CRAMP1: variants seen among roughly 807,000 people sequenced by gnomAD.
CRAMP1 encodes cramped chromatin regulator 1, also known as protein cramped-like.
CRAMP1 carries 50 observed loss-of-function variants against 115.4 expected under a neutral mutation model. That is an observed-to-expected ratio of 0.43 (90% CI 0.35 to 0.55). The LOEUF is 0.55. CRAMP1 is among the 20% of genes least tolerant of loss of function. CRAMP1 has a pLI of 0.01. For synonymous variants in CRAMP1, 866 were observed against 745.4 expected, an observed-to-expected ratio of 1.16 and a Z score of -2.64; for missense variants, 1,679 against 1,721.7, an observed-to-expected ratio of 0.98 and a Z score of 0.44.
chr16:1,629,427 A>T (rs1315925553), intron 3 of CRAMP1, among the ~76,000 whole-genome samples: 1 of 152,170 alleles, frequency 6.6e-6, no homozygotes, highest in Non-Finnish European at 1.5e-5. Context: ...TACCGTGTGT[A>T]TATCTGGTTC....
At chr16:1,623,012 C>T (rs1408637579) in intron 2 of CRAMP1, among the ~76,000 whole-genome samples, 4 of 151,958 alleles carry the variant, frequency 2.6e-5, no homozygotes, top group African/African-American at 4.8e-5. Flanking sequence ...CCGCCTGCCT[C>T]GGCCTCCCAA....
Position 1,653,114 on chromosome 16 carries a change from C to T in CRAMP1, c.995C>T (p.Ala332Val), listed in dbSNP as rs1298207578. ...GAGCTACAGCCGCGGAACAACCACGCCTGGGCCCGTGTGCAGAGCCTTGCC... is the reference window on the plus strand; with the variant it reads ...GAGCTACAGCCGCGGAACAACCACGTCTGGGCCCGTGTGCAGAGCCTTGCC... The part of the protein sequence containing the change: ...PIELQPRNNH[A>V]WARVQSLAQN... The change falls in exon 8 of 21, where the codon GCC becomes GTC. Residue 332 changes from alanine (A) to valine (V), a missense_variant. By Grantham distance (64) the Ala-to-Val change is moderately conservative. This residue lies in a region of CRAMP1 where 191 missense variants were observed against 236.2 expected (regional missense o/e 0.81). Transcript: ENST00000397412. The T allele has an allele frequency of 6.2e-7, 1 of 1,611,764 alleles. No individual in the cohort carries two copies. Among genetic ancestry groups the T allele is most frequent in the Non-Finnish European group, 8.5e-7 (1 of 1,178,920 alleles).
chr16:1,625,674 A>C (rs1434032389), intron 2 of CRAMP1: 1 of 257,804 alleles, frequency 3.9e-6, no homozygotes, highest in Non-Finnish European at 7.4e-6. Context: ...CTCTGTCTCC[A>C]TTGTGGACAG....
At chr16:1,627,515 T>C (rs2036517208) in intron 3 of CRAMP1, among the ~76,000 whole-genome samples, 1 of 152,152 alleles carries the variant, frequency 6.6e-6, no homozygotes, top group Non-Finnish European at 1.5e-5. Flanking sequence ...ATGAGATGTT[T>C]AGAGAGGCAT....
At chr16:1,662,446 C>A in intron 11 of CRAMP1, 44 bp from the exon 12 acceptor site, 4 of 1,498,090 alleles carry the variant, frequency 2.7e-6, no homozygotes, top group Non-Finnish European at 3.7e-6. Flanking sequence ...GGACCTGTTG[C>A]TAGGTGAATG....
intron 6 of CRAMP1, chr16:1,645,427 A>T (rs1212628277): frequency 1.0e-5 from 2 of 198,342 alleles, no homozygotes; most frequent in Non-Finnish European, 2.2e-5. Context: ...ACCTCAGGTT[A>T]TCCTCCCACC....
rs778550419 is a variant in CRAMP1 at position 1,671,892 on chromosome 16, A to G, written c.3645+1083A>G. Reference sequence around the variant, plus strand: ...CTGGAAATTTTAGCCAAATATACACATAGACACAATTAATAGCGTAGACCT... The same window carrying G: ...CTGGAAATTTTAGCCAAATATACACGTAGACACAATTAATAGCGTAGACCT... On this transcript the variant is annotated intron_variant, in intron 20 of 20. Transcript: ENST00000397412. This position sits in a 1 kb window ranked among gnomAD's most constrained non-coding sequence, Gnocchi z 5.0. Among the ~76,000 whole-genome samples the G allele has an allele frequency of 1.3e-5, 2 of 152,188 alleles. No homozygotes were observed. The highest frequency in any genetic ancestry group is 2.9e-5 in the Non-Finnish European group (2 of 68,028).
Position 1,666,621 on chromosome 16 carries a change from T to A in CRAMP1, c.3036+21T>A. The A allele has an allele frequency of 6.2e-7, 1 of 1,604,224 alleles. No individual in the cohort carries two copies. Among genetic ancestry groups the A allele is most frequent in the South Asian group, 1.1e-5 (1 of 90,890 alleles). On this transcript the variant is annotated intron_variant, in intron 16 of 20. Transcript: ENST00000397412. The surrounding 1 kb of genome is among the most constrained non-coding windows in gnomAD (Gnocchi z 5.0). ...TGGGGGTGAGTATGTTTAGAAGGGCTTTTCAGCATTACCACCAACTTCTGG... is the reference window on the plus strand; with the variant it reads ...TGGGGGTGAGTATGTTTAGAAGGGCATTTCAGCATTACCACCAACTTCTGG...
chr16:1,613,745 A>C (rs1284522093), intron 1 of CRAMP1, among the ~76,000 whole-genome samples: 1 of 152,166 alleles, frequency 6.6e-6, no homozygotes, highest in Non-Finnish European at 1.5e-5. Flanking sequence ...ATTGTCTTCT[A>C]CCGCTTCTTG....
intron 2 of CRAMP1, among the ~76,000 whole-genome samples, chr16:1,623,013 G>A (rs1295978749): frequency 6.6e-6 from 1 of 151,724 alleles, no homozygotes; most frequent in Non-Finnish European, 1.5e-5. Flanking sequence ...CGCCTGCCTC[G>A]GCCTCCCAAA....
Position 1,666,548 on chromosome 16 carries a change from G to C in CRAMP1, c.2984G>C (p.Gly995Ala). The C allele has an allele frequency of 6.2e-7, 1 of 1,613,950 alleles. No individual in the cohort carries two copies. Among genetic ancestry groups the C allele is most frequent in the South Asian group, 1.1e-5 (1 of 91,074 alleles). Residue 995 changes from glycine (G) to alanine (A), a missense_variant, in exon 16 of 21, where the codon GGG becomes GCG. Physicochemically the swap from Gly to Ala is moderately conservative, Grantham distance 60. This residue lies in a region of CRAMP1 where 709 missense variants were observed against 741.9 expected (regional missense o/e 0.96). Transcript: ENST00000397412. The surrounding 1 kb of genome is among the most constrained non-coding windows in gnomAD (Gnocchi z 5.0). Reference sequence around the variant, plus strand: ...GACGAGGTGACGGGTGCCATCTCGGGGCAGGACTCTACTGGAACTCACCAG... The same window carrying C: ...GACGAGGTGACGGGTGCCATCTCGGCGCAGGACTCTACTGGAACTCACCAG... ...SSDEVTGAIS[G>A]QDSTGTHQDG...
At chr16:1,634,942 A>G (rs1358881793) in intron 4 of CRAMP1, among the ~76,000 whole-genome samples, 1 of 152,194 alleles carries the variant, frequency 6.6e-6, no homozygotes, top group Non-Finnish European at 1.5e-5. Context: ...TCTGTTGCCC[A>G]GGCTAGAGTG....
At chr16:1,665,447 G>C (rs772398287) in intron 14 of CRAMP1, among the ~76,000 whole-genome samples, 8 of 152,176 alleles carry the variant, frequency 5.3e-5, no homozygotes, top group Non-Finnish European at 1.0e-4. Context: ...TGTCTTGTCA[G>C]CCGTTTTATG....
rs868557344 is a variant in CRAMP1, at chr16:1,656,939, C to T, written c.2182C>T (p.Arg728Cys). The T allele has an allele frequency of 1.9e-6, 3 of 1,559,170 alleles. No homozygotes were observed. Among genetic ancestry groups the T allele is most frequent in the South Asian group, 1.2e-5 (1 of 84,476 alleles). Residue 728 changes from arginine to cysteine, a missense_variant, in exon 10 of 21, where the codon CGC (arginine) becomes TGC (cysteine). Physicochemically the swap from Arg to Cys is radical, Grantham distance 180 (BLOSUM62 -3). Coordinates refer to ENST00000397412, the MANE Select transcript of CRAMP1 (RefSeq NM_020825.4). The surrounding 1 kb of genome is among the most constrained non-coding windows in gnomAD (Gnocchi z 5.6). ...CCTACCCACCGCCCTCCACAAGCAG[C>T]GCCTCCTCAGCTGCCTCCTGAAGCT... Reference protein sequence around the residue: ...GSLPTALHKQRLLSCLLKLIS... With the variant: ...GSLPTALHKQCLLSCLLKLIS...
chr16:1,657,618 A>G (rs2142200064), intron 10 of CRAMP1, among the ~76,000 whole-genome samples: 1 of 152,280 alleles, frequency 6.6e-6, no homozygotes, highest in Admixed American at 6.5e-5. Context: ...AGAATAGTGG[A>G]GCTGGGGACC....
chr16:1,664,555 G>T (rs1292043663), intron 13 of CRAMP1, among the ~76,000 whole-genome samples: 1 of 152,164 alleles, frequency 6.6e-6, no homozygotes, highest in Non-Finnish European at 1.5e-5. Flanking sequence ...GAGGCAGGTG[G>T]ATCACCTGAG....
At chr16:1,657,939 ATG>A (rs921136575) in intron 10 of CRAMP1, among the ~76,000 whole-genome samples, 2 of 152,112 alleles carry the variant, frequency 1.3e-5, no homozygotes, top group South Asian at 2.1e-4. Flanking sequence ...CATGGTCAGA[ATG>A]TGTGTGAGGC....
At chr16:1,665,025 A>G (rs779057559) in intron 13 of CRAMP1, 32 bp from the exon 14 acceptor site, 3 of 1,466,434 alleles carry the variant, frequency 2.0e-6, no homozygotes, top group Admixed American at 3.3e-5. Flanking sequence ...TGGGAGTTTC[A>G]TCACCTTGAT....
rs190771919 is a variant in CRAMP1 at position 1,654,950 on chromosome 16, G to A, written c.1038-269G>A. Among the ~76,000 whole-genome samples the A allele has an allele frequency of 1.0e-3, 154 of 152,374 alleles. 2 individuals are homozygous for A. The highest frequency in any genetic ancestry group is 3.0e-3 in the African/African-American group (126 of 41,588). On this transcript the variant is annotated intron_variant, in intron 8 of 20. Transcript: ENST00000397412. ...GCTGTGCGCCAGCACCCACGCCCAC[G>A]CCCTGGCGGAGACCTTTTGCTGGCA...
Sources: gnomAD v4.1 joint callset for allele counts (sites outside exome capture counted in the v4.1 genomes callset) on GRCh38, gnomAD v4.1.1 for gene constraint, gnomAD v4.1.1 regional missense constraint, Gnocchi (gnomAD v3.1) non-coding constraint, MANE v1.5 for transcripts, NCBI Gene and HGNC (gene_info 2026-07-23, HGNC 2026-07-21) for gene names.